Variants in PTPRT observed in about 807,000 individuals in gnomAD.
The protein encoded by PTPRT is receptor-type tyrosine-protein phosphatase T.
PTPRT carries 56 observed loss-of-function variants against 176.8 expected under a neutral mutation model. That is an observed-to-expected ratio of 0.32 (90% CI 0.26 to 0.40). The LOEUF is 0.40. PTPRT is among the 10% of genes least tolerant of loss of function. The pLI is 1.00. For missense variants in PTPRT, 1,540 were observed against 1,908.2 expected (o/e 0.81, Z 3.60); for synonymous variants, 783 against 739.0 (o/e 1.06, Z -0.96).
At chr20:42,635,612 T>C (rs1284903118) in intron 7 of PTPRT, among the ~76,000 whole-genome samples, 1 of 152,182 alleles carries the variant, frequency 6.6e-6, no homozygotes, top group Admixed American at 6.5e-5. Context: ...TGTAGTAATA[T>C]GCTCAGATGA....
chr20:42,670,827 C>G (rs540109446), intron 7 of PTPRT, among the ~76,000 whole-genome samples: 1 of 152,224 alleles, frequency 6.6e-6, no homozygotes, highest in African/African-American at 2.4e-5. Context: ...GGGTCTGCGT[C>G]AAGCGAAGTT....
intron 7 of PTPRT, among the ~76,000 whole-genome samples, chr20:42,570,716 G>A (rs1362990046): frequency 6.6e-6 from 1 of 152,092 alleles, no homozygotes; most frequent in African/African-American, 2.4e-5. Flanking sequence ...AAAAGAGACA[G>A]GAAGAGGAGA....
intron 5 of PTPRT, among the ~76,000 whole-genome samples, chr20:42,766,448 C>T (rs57728237): frequency 2.0e-5 from 3 of 152,338 alleles, no homozygotes; most frequent in South Asian, 2.1e-4. Context: ...ATTTCTGCAT[C>T]GGTCCTGTCC....
intron 9 of PTPRT, among the ~76,000 whole-genome samples, chr20:42,441,604 G>C (rs1482672324): frequency 6.6e-6 from 1 of 152,176 alleles, no homozygotes; most frequent in Admixed American, 6.5e-5. Context: ...AAGTGTGGAA[G>C]GGGGTGGGCA....
chr20:42,561,048 G>C (rs919359564), intron 7 of PTPRT, among the ~76,000 whole-genome samples: 1 of 152,198 alleles, frequency 6.6e-6, no homozygotes, highest in Non-Finnish European at 1.5e-5. Flanking sequence ...TGGTTAACTT[G>C]TGTCTGGCAG....
At position 42,633,979 on chromosome 20, in the gene PTPRT, T is replaced by A. The variant is rs1291367238; in HGVS notation, c.1153+43887A>T. On this transcript the variant is annotated intron_variant, in intron 7 of 30. Coordinates refer to ENST00000373187, the MANE Select transcript of PTPRT (RefSeq NM_007050.6). Reference sequence around the variant, plus strand: ...TTATATATAATATATTATAATATATTATATATTATATTATATATATTATAT... The same window carrying A: ...TTATATATAATATATTATAATATATAATATATTATATTATATATATTATAT... Among the ~76,000 whole-genome samples the A allele has an allele frequency of 3.3e-3, 100 of 30,220 alleles. 10 individuals are homozygous for A. The highest frequency in any genetic ancestry group is 0.022 in the Middle Eastern group (1 of 46). 19.8% of individuals were successfully genotyped at this position (30,220 alleles called of 152,430 possible).
chr20:42,058,477 A>G, the PTPRT span, among the ~76,000 whole-genome samples: 1 of 151,996 alleles, frequency 6.6e-6, no homozygotes, highest in Admixed American at 6.6e-5. Context: ...AATCTCAGCC[A>G]CTCTCATATT....
chr20:42,983,162 T>A (rs940959769), intron 1 of PTPRT, among the ~76,000 whole-genome samples: 2 of 152,228 alleles, frequency 1.3e-5, no homozygotes, highest in Admixed American at 1.3e-4. Flanking sequence ...ATCCTTTGTG[T>A]GTCTCTTCAG....
At chr20:42,153,429 C>A (rs970978571) in intron 17 of PTPRT, among the ~76,000 whole-genome samples, 5 of 152,024 alleles carry the variant, frequency 3.3e-5, no homozygotes, top group Non-Finnish European at 7.4e-5. Context: ...AGATTGAGGA[C>A]CAGGTTTTGA....
intron 19 of PTPRT, among the ~76,000 whole-genome samples, chr20:42,125,271 A>C (rs1382863108): frequency 6.6e-6 from 1 of 152,230 alleles, no homozygotes; most frequent in Non-Finnish European, 1.5e-5. Context: ...GATACTTTAC[A>C]TCAGTAATTG....
chr20:42,075,030 G>A lies in PTPRT; in HGVS notation c.*5849C>T, dbSNP rs913955703. 6.8e-5 allele frequency: 26 copies of A among 383,130 alleles called. No homozygotes were observed. Among genetic ancestry groups the A allele is most frequent in the Middle Eastern group, 6.4e-4 (1 of 1,574 alleles). The allele number at this position is 383,130 out of a possible 1,614,324, so 23.7% of individuals were successfully genotyped here. On this transcript the variant is annotated 3_prime_UTR_variant, in exon 31 of 31. Transcript: ENST00000373187. ...CACTCCACCACTAACCTCTCTCCCT[G>A]CTGTTCAGTCTATGACCTCAAAGGC...
At chr20:42,609,490 T>C (rs1187422776) in intron 7 of PTPRT, among the ~76,000 whole-genome samples, 3 of 152,192 alleles carry the variant, frequency 2.0e-5, no homozygotes, top group Non-Finnish European at 4.4e-5. Flanking sequence ...GAGAGGACAC[T>C]TGTTATGGCC....
chr20:42,806,366 C>T (rs1206091252), intron 2 of PTPRT, among the ~76,000 whole-genome samples: 1 of 151,618 alleles, frequency 6.6e-6, no homozygotes. Flanking sequence ...CGATTGTAAT[C>T]TCAGCTGCCT....
intron 6 of PTPRT, among the ~76,000 whole-genome samples, chr20:42,753,802 T>C (rs560721114): frequency 4.6e-5 from 7 of 152,362 alleles, no homozygotes; most frequent in African/African-American, 1.7e-4. Flanking sequence ...TCTGTCCCAG[T>C]AGCCTCTTGG....
chr20:42,726,364 C>G (rs1569114430), intron 6 of PTPRT, among the ~76,000 whole-genome samples: 1 of 152,098 alleles, frequency 6.6e-6, no homozygotes, highest in Non-Finnish European at 1.5e-5. Context: ...CAGGTGTGAG[C>G]TACCACACCC....
chr20:42,822,231 C>A (rs1029292067), intron 2 of PTPRT, among the ~76,000 whole-genome samples: 2 of 152,004 alleles, frequency 1.3e-5, no homozygotes, highest in Admixed American at 1.3e-4. Flanking sequence ...AGAATAGAGA[C>A]CTCAGAAATA....
chr20:42,379,677 T>C (rs1393796734), intron 9 of PTPRT, among the ~76,000 whole-genome samples: 1 of 152,256 alleles, frequency 6.6e-6, no homozygotes, highest in African/African-American at 2.4e-5. Context: ...TGAAACAGAC[T>C]GGCCGAGGCT....
intron 1 of PTPRT, among the ~76,000 whole-genome samples, chr20:43,162,015 C>T (rs1336185356): frequency 6.6e-6 from 1 of 152,188 alleles, no homozygotes; most frequent in Non-Finnish European, 1.5e-5. Flanking sequence ...TGCAACATTA[C>T]CATGCTAATA....
chr20:42,154,608 G>A (rs1989270790), intron 17 of PTPRT, among the ~76,000 whole-genome samples: 2 of 152,228 alleles, frequency 1.3e-5, no homozygotes, highest in Admixed American at 6.5e-5. Context: ...GCCCTACTGG[G>A]CTGGTTCCAT....
Sources: allele counts gnomAD v4.1 joint callset (sites outside exome capture counted in the v4.1 genomes callset), GRCh38; gene constraint gnomAD v4.1.1; transcripts MANE v1.5; gene names NCBI Gene and HGNC (gene_info 2026-07-23, HGNC 2026-07-21).